LY96: variants seen among roughly 807,000 people sequenced by gnomAD.
LY96 encodes lymphocyte antigen 96, also known as myeloid differentiation protein-2.
A neutral mutation model predicts 18.9 loss-of-function variants in LY96; 18 were observed. That is an observed-to-expected ratio of 0.95 (90% confidence interval 0.66 to 1.41). LY96 has a LOEUF of 1.41. LY96 is among the 40% of genes most tolerant of loss of function. The probability of loss-of-function intolerance (pLI) is 0.00; values close to 1 mark genes in which losing one functional copy is unlikely to be tolerated. For missense variants in LY96, 175 were observed against 182.4 expected, an observed-to-expected ratio of 0.96 and a Z score of 0.23; for synonymous variants, 66 against 62.6, an observed-to-expected ratio of 1.06 and a Z score of -0.26.
At chr8:74,068,677 T>C in the LY96 span, among the ~76,000 whole-genome samples, 1 of 152,244 alleles carries the variant, frequency 6.6e-6, no homozygotes, top group Admixed American at 6.5e-5. Context: ...GGTTTCAATT[T>C]GCAATGATGT....
chr8:74,050,237 G>C, the LY96 span, among the ~76,000 whole-genome samples: 3 of 152,168 alleles, frequency 2.0e-5, no homozygotes, highest in South Asian at 6.2e-4. Context: ...CGGCTACTCA[G>C]GAGGCTGAGG....
At chr8:74,058,921 G>A in the LY96 span, among the ~76,000 whole-genome samples, 132 of 152,244 alleles carry the variant, frequency 8.7e-4, 1 homozygote, top group African/African-American at 3.0e-3. Context: ...AGCCAGTGAC[G>A]TAGTTCAAGG....
the LY96 span, among the ~76,000 whole-genome samples, chr8:74,084,314 C>T: frequency 7.1e-3 from 1,082 of 152,238 alleles, 14 homozygotes; most frequent in African/African-American, 0.021. Context: ...TAACTCAGTC[C>T]CTTAGCTCAT....
chr8:74,075,176 A>G, the LY96 span, among the ~76,000 whole-genome samples: 1 of 151,692 alleles, frequency 6.6e-6, no homozygotes, highest in South Asian at 2.1e-4. Flanking sequence ...TGTTGAGTGC[A>G]TATATACTTA....
chr8:74,073,184 G>A, the LY96 span, among the ~76,000 whole-genome samples: 1 of 152,188 alleles, frequency 6.6e-6, no homozygotes, highest in African/African-American at 2.4e-5. Context: ...GTCTGTGGAA[G>A]CCTGGGTCCT....
the LY96 span, among the ~76,000 whole-genome samples, chr8:74,076,532 C>T: frequency 6.6e-6 from 1 of 151,852 alleles, no homozygotes; most frequent in Non-Finnish European, 1.5e-5. Context: ...ACCACGTTGG[C>T]CAGGCTAGTC....
At chr8:74,025,988 A>T (rs1207432769) in intron 3 of LY96, among the ~76,000 whole-genome samples, 1 of 152,340 alleles carries the variant, frequency 6.6e-6, no homozygotes, top group Non-Finnish European at 1.5e-5. Flanking sequence ...GGCCTGGGCA[A>T]CAGAGTGAGA....
At chr8:74,007,886 G>A (rs1816446932) in intron 2 of LY96, among the ~76,000 whole-genome samples, 1 of 152,044 alleles carries the variant, frequency 6.6e-6, no homozygotes, top group South Asian at 2.1e-4. Flanking sequence ...CAGCACCCCT[G>A]GTAGCTGGGA....
rs545687246 is a variant in LY96, at chr8:74,017,961, C to T, written c.331+7832C>T. Among the ~76,000 whole-genome samples the T allele has an allele frequency of 1.2e-4, 19 of 152,170 alleles. No homozygotes were observed. In the South Asian group the frequency reaches 2.9e-3, roughly 23 times the overall value. On this transcript the variant is annotated intron_variant, in intron 3 of 4. Coordinates refer to ENST00000284818, the MANE Select transcript of LY96 (RefSeq NM_015364.5). ...ACTGCAAAAATATGCCAAATTGTAGCGACTATTGATGCTAGGAAGAAACTG... is the reference window on the plus strand; with the variant it reads ...ACTGCAAAAATATGCCAAATTGTAGTGACTATTGATGCTAGGAAGAAACTG...
chr8:74,088,291 G>C, the LY96 span, among the ~76,000 whole-genome samples: 1 of 152,102 alleles, frequency 6.6e-6, no homozygotes, highest in Non-Finnish European at 1.5e-5. Context: ...CTTCTTGCAG[G>C]GGCCAGCAGA....
intron 3 of LY96, among the ~76,000 whole-genome samples, chr8:74,025,282 G>A (rs1408557032): frequency 3.3e-5 from 5 of 152,186 alleles, no homozygotes; most frequent in Non-Finnish European, 7.3e-5. Flanking sequence ...GATTGGCCTT[G>A]AATGAAAGAT....
At chr8:74,015,276 A>G (rs1816618847) in intron 3 of LY96, among the ~76,000 whole-genome samples, 1 of 152,200 alleles carries the variant, frequency 6.6e-6, no homozygotes, top group South Asian at 2.1e-4. Context: ...TAAGTACCAT[A>G]AACTGAATAC....
chr8:74,025,116 C>T (rs898598721), intron 3 of LY96, among the ~76,000 whole-genome samples: 26 of 152,162 alleles, frequency 1.7e-4, no homozygotes, highest in Admixed American at 1.2e-3. Context: ...CATGAGCCAC[C>T]GCTCACAGCT....
At chr8:74,054,618 TTC>T in the LY96 span, among the ~76,000 whole-genome samples, 2 of 12,888 alleles carry the variant, frequency 1.6e-4, no homozygotes, top group African/African-American at 5.1e-4. Flanking sequence ...TTCCTTTTCC[TTC>T]TTTCTTTCTT....
chr8:73,996,374 T>TTCA (rs1563707871), intron 1 of LY96, among the ~76,000 whole-genome samples: 1 of 36,908 alleles, frequency 2.7e-5, no homozygotes, highest in Non-Finnish European at 5.7e-5. Context: ...CCTTCATTCC[T>TTCA]TTCTTTCTTT....
intron 2 of LY96, among the ~76,000 whole-genome samples, chr8:74,009,188 A>C (rs1267848700): frequency 6.6e-6 from 1 of 151,650 alleles, no homozygotes; most frequent in East Asian, 1.9e-4. Context: ...CGAGGTCAGG[A>C]GTTCAAGACC....
chr8:74,053,083 T>G, the LY96 span, among the ~76,000 whole-genome samples: 2 of 152,182 alleles, frequency 1.3e-5, no homozygotes, highest in African/African-American at 4.8e-5. Flanking sequence ...ATGTCAAAAA[T>G]GGAACTCCAT....
chr8:74,036,727 T>G, the LY96 span, among the ~76,000 whole-genome samples: 1 of 152,206 alleles, frequency 6.6e-6, no homozygotes, highest in African/African-American at 2.4e-5. Context: ...TATTAAACTT[T>G]CCTTACTGCA....
At chr8:74,080,353 G>C in the LY96 span, among the ~76,000 whole-genome samples, 13 of 152,186 alleles carry the variant, frequency 8.5e-5, no homozygotes, top group Non-Finnish European at 1.9e-4. Context: ...CCGTGGTTGA[G>C]GAATCCTGGG....
Sources: gnomAD v4.1 joint callset for allele counts (sites outside exome capture counted in the v4.1 genomes callset) on GRCh38, gnomAD v4.1.1 for gene constraint, MANE v1.5 for transcripts, NCBI Gene and HGNC (gene_info 2026-07-23, HGNC 2026-07-21) for gene names.